UBA6: variants seen among roughly 807,000 people sequenced by gnomAD.
The protein encoded by UBA6 is ubiquitin like modifier activating enzyme 6.
A neutral mutation model predicts 148.3 loss-of-function variants in UBA6; 87 were observed. That is an observed-to-expected ratio of 0.59 (90% CI 0.49 to 0.70). The LOEUF (loss-of-function observed/expected upper bound fraction) is 0.70, where lower values mean the gene tolerates loss of function less well. UBA6 is among the 30% of genes least tolerant of loss of function. UBA6 has a pLI of 0.00. For missense variants in UBA6, 1,186 were observed against 1,241.2 expected (o/e 0.96, Z 0.67); for synonymous variants, 376 against 401.0 (o/e 0.94, Z 0.75).
rs1728565126 is a variant in UBA6 at position 67,612,911 on chromosome 4, T to C, written c.*6086A>G. 6.6e-6 allele frequency: 1 copy of C among 152,182 alleles called. No homozygotes were observed. The highest frequency in any genetic ancestry group is 2.4e-5 in the African/African-American group (1 of 41,442). The allele number at this position is 152,182 out of a possible 1,614,324, so 9.4% of individuals were successfully genotyped here. On this transcript the variant is annotated 3_prime_UTR_variant, in exon 33 of 33. Transcript: ENST00000322244. The stretch of plus-strand genomic sequence containing the variant: ...GATAGAAATTCAGAAAAATGAACCA[T>C]TCATTTGGGACCACTGTGTTAGGAG...
chr4:67,670,549 C>A lies in UBA6; in HGVS notation c.590G>T (p.Cys197Phe), dbSNP rs774835041. The A allele has an allele frequency of 1.2e-6, 2 of 1,611,072 alleles. No homozygotes were observed. Among genetic ancestry groups the A allele is most frequent in the Non-Finnish European group, 1.7e-6 (2 of 1,177,570 alleles). Reference sequence around the variant, plus strand: ...AACTTCAAATTCATCACCGAAATCACAAAATAACCTTGACCAAATTCCATG... The same window carrying A: ...AACTTCAAATTCATCACCGAAATCAAAAAATAACCTTGACCAAATTCCATG... ...DVHGIWSRLF[C>F]DFGDEFEVLD... Residue 197 changes from cysteine (C) to phenylalanine (F), a missense_variant, in exon 8 of 33, where the codon TGT becomes TTT. Coordinates refer to ENST00000322244, the MANE Select transcript of UBA6 (RefSeq NM_018227.6).
Position 67,612,867 on chromosome 4 carries a change from C to T in UBA6, c.*6130G>A, listed in dbSNP as rs1038765545. On this transcript the variant is annotated 3_prime_UTR_variant, in exon 33 of 33. Transcript: ENST00000322244. ...GATAAGTTGGTGAATAATTACCATG[C>T]CAATAATATCTGAGAAAAGATAGAA... 6.6e-6 allele frequency: 1 copy of T among 152,118 alleles called. No individual in the cohort carries two copies. The highest frequency in any genetic ancestry group is 1.5e-5 in the Non-Finnish European group (1 of 68,032). The allele number at this position is 152,118 out of a possible 1,614,324, so 9.4% of individuals were successfully genotyped here. A position where few individuals can be genotyped will look rare whatever the true frequency, so the allele number is the denominator to read the frequency against.
chr4:67,668,111 A>G (rs1285753400), intron 9 of UBA6, among the ~76,000 whole-genome samples: 1 of 152,162 alleles, frequency 6.6e-6, no homozygotes, highest in Non-Finnish European at 1.5e-5. Context: ...ACTCACCTAT[A>G]GTATGTGATC....
At position 67,663,175 on chromosome 4, in the gene UBA6, T is replaced by G; in HGVS notation, c.1001A>C (p.Gln334Pro). 1 of 1,611,594 alleles carries G rather than the reference T, an allele frequency of 6.2e-7. No homozygotes were observed. The highest frequency in any genetic ancestry group is 8.5e-7 in the Non-Finnish European group (1 of 1,179,138). The change falls in exon 12 of 33, where the codon CAG (glutamine) becomes CCG (proline). Residue 334 changes from glutamine (Q) to proline (P), a missense_variant. By Grantham distance (76) the Gln-to-Pro change is moderately conservative. Transcript: ENST00000322244. ...CTTGCGACTGTATTTCTCCTGAAAC[T>G]GGTCCAAGGCAAGCATAGCTGTGTG... ...EIHTAMLALDQFQEKYSRKPN... is the reference protein window; with the variant it reads ...EIHTAMLALDPFQEKYSRKPN...
intron 12 of UBA6, 177 bp downstream of exon 12, chr4:67,662,962 C>A (rs1015800834): frequency 1.9e-4 from 82 of 432,112 alleles, no homozygotes; most frequent in Non-Finnish European, 5.4e-5. Context: ...CTTTTATAAA[C>A]CAAATTTCTC....
intron 13 of UBA6, among the ~76,000 whole-genome samples, chr4:67,661,494 G>C (rs1316861078): frequency 3.9e-5 from 6 of 152,142 alleles, no homozygotes; most frequent in Non-Finnish European, 8.8e-5. Flanking sequence ...TGCCATGATT[G>C]TAAGTTTCCT....
intron 14 of UBA6, among the ~76,000 whole-genome samples, chr4:67,647,305 G>A (rs1477887569): frequency 6.6e-6 from 1 of 151,974 alleles, no homozygotes; most frequent in East Asian, 1.9e-4. Context: ...CACCATGCCT[G>A]GCTAATTTTT....
At chr4:67,678,761 A>G (rs1449910308) in intron 4 of UBA6, among the ~76,000 whole-genome samples, 1 of 152,142 alleles carries the variant, frequency 6.6e-6, no homozygotes, top group Non-Finnish European at 1.5e-5. Context: ...AACATAGTCT[A>G]TTGGTGATGG....
intron 4 of UBA6, 50 bp downstream of exon 4, chr4:67,681,513 C>T: frequency 2.3e-6 from 3 of 1,298,136 alleles, no homozygotes; most frequent in South Asian, 1.3e-5. Context: ...AACAAATGAG[C>T]CAAAAAAAAA....
chr4:67,697,993 A>G (rs1228859173), intron 1 of UBA6, among the ~76,000 whole-genome samples: 3 of 152,076 alleles, frequency 2.0e-5, no homozygotes, highest in African/African-American at 7.2e-5. Flanking sequence ...TATCTCTCCA[A>G]TTTCAACTCC....
rs1475516166 is a variant in UBA6 at position 67,615,733 on chromosome 4, C to G, written c.*3264G>C. On this transcript the variant is annotated 3_prime_UTR_variant, in exon 33 of 33. Transcript: ENST00000322244. ...TACAACCAACATGAATCAATCCCAT[C>G]TTGAACAAATGCAGCTACAAAAGAA... 6.1e-6 allele frequency: 1 copy of G among 164,392 alleles called. No homozygotes were observed. Among genetic ancestry groups the G allele is most frequent in the Non-Finnish European group, 1.3e-5 (1 of 76,394 alleles). 10.2% of individuals were successfully genotyped at this position (164,392 alleles called of 1,614,324 possible). A position where few individuals can be genotyped will look rare whatever the true frequency, so the allele number is the denominator to read the frequency against.
At chr4:67,634,750 T>A (rs1412062391) in intron 20 of UBA6, among the ~76,000 whole-genome samples, 4 of 152,154 alleles carry the variant, frequency 2.6e-5, no homozygotes, top group African/African-American at 9.6e-5. Flanking sequence ...TTATTATTTG[T>A]GTACTCATTT....
chr4:67,696,790 C>T, intron 1 of UBA6, 83 bp from the exon 2 acceptor site: 1 of 1,104,044 alleles, frequency 9.1e-7, no homozygotes, highest in Non-Finnish European at 1.3e-6. Flanking sequence ...TCACCAGTTA[C>T]TAAAGGTTTT....
At chr4:67,677,757 A>G (rs764278766) in intron 5 of UBA6, 35 bp from the exon 6 acceptor site, 40 of 1,119,550 alleles carry the variant, frequency 3.6e-5, no homozygotes, top group Non-Finnish European at 5.0e-5. Context: ...CTGTTCTTTA[A>G]TTCAATATAC....
intron 2 of UBA6, among the ~76,000 whole-genome samples, chr4:67,682,989 T>C (rs1053959353): frequency 1.3e-5 from 2 of 152,202 alleles, no homozygotes; most frequent in African/African-American, 4.8e-5. Flanking sequence ...TTCCATTATT[T>C]CAGCTTTTCA....
At chr4:67,648,994 T>TA (rs1301203726) in intron 14 of UBA6, 74 bp downstream of exon 14, 22 of 1,482,116 alleles carry the variant, frequency 1.5e-5, no homozygotes, top group Non-Finnish European at 2.0e-5. Flanking sequence ...TCTAATATAT[T>TA]AATACTACAT....
chr4:67,700,012 A>G (rs914164137), intron 1 of UBA6, among the ~76,000 whole-genome samples: 1 of 152,240 alleles, frequency 6.6e-6, no homozygotes, highest in Non-Finnish European at 1.5e-5. Flanking sequence ...AATCTGAATA[A>G]AAACGAGAAC....
chr4:67,665,272 TA>T lies in UBA6; in HGVS notation c.813del (p.Phe271LeufsTer17), dbSNP rs767300979. The T allele has an allele frequency of 6.3e-7, 1 of 1,599,974 alleles. No individual in the cohort carries two copies. Among genetic ancestry groups the T allele is most frequent in the East Asian group, 2.3e-5 (1 of 44,390 alleles). Reference sequence around the variant, plus strand: ...TCCAGTTCTGTGGTGTCACCAATACTAAAAGAAAATGGCGATATCACTAGAA... The same window carrying T: ...TCCAGTTCTGTGGTGTCACCAATACTAAAGAAAATGGCGATATCACTAGAA... Reference protein sequence around the residue: ...QQITVISPFSFSIGDTTELEP... With the variant: ...QQITVISPFSXSIGDTTELEP... On this transcript the variant is annotated frameshift_variant, in exon 10 of 33. Transcript: ENST00000322244. LOFTEE classifies it high-confidence loss of function.
In UBA6 at chr4:67,701,094, G is replaced by GATC; in HGVS notation, c.25_26insGAT (p.Ala9delinsGlySer). The stretch of plus-strand genomic sequence containing the variant: ...ACAGGACGCCTCTTCCCCCTGATGG[G>GATC]CGGCCACAGGCTCGGATCCTTCCAT... On this transcript the variant is annotated protein_altering_variant, in exon 1 of 33. Coordinates refer to ENST00000322244, the MANE Select transcript of UBA6 (RefSeq NM_018227.6). 6.2e-7 allele frequency: 1 copy of GATC among 1,613,730 alleles called. No individual in the cohort carries two copies. The highest frequency in any genetic ancestry group is 8.5e-7 in the Non-Finnish European group (1 of 1,179,818).
Sources: gnomAD v4.1 joint callset for allele counts (sites outside exome capture counted in the v4.1 genomes callset) on GRCh38, gnomAD v4.1.1 for gene constraint, MANE v1.5 for transcripts, NCBI Gene and HGNC (gene_info 2026-07-23, HGNC 2026-07-21) for gene names.